The following CCDC9 variants were observed in gnomAD, a reference collection of about 807,000 sequenced individuals.
CCDC9 encodes coiled-coil domain containing 9, also known as coiled-coil domain-containing protein 9.
Under a neutral mutation model 65.6 loss-of-function variants are expected in CCDC9, and 52 were observed. That is an observed-to-expected ratio of 0.79 (90% confidence interval 0.63 to 1.00). The LOEUF is 1.00. Among genes scored for constraint, CCDC9 ranks in the 50% least tolerant of loss-of-function variants. CCDC9 has a pLI of 0.00. For synonymous variants in CCDC9, 332 were observed against 280.3 expected (o/e 1.18, Z -1.84); for missense variants, 834 against 757.2 (o/e 1.10, Z -1.19).
downstream of CCDC9, chr19:47,275,051 C>G (rs1178696996): frequency 1.3e-6 from 2 of 1,492,940 alleles, no homozygotes; most frequent in Non-Finnish European, 1.8e-6. Context: ...CGCTAGCTGC[C>G]GTGCTGCTCG....
downstream of CCDC9, chr19:47,275,005 G>C (rs1395889679): frequency 6.8e-7 from 1 of 1,476,794 alleles, no homozygotes; most frequent in Non-Finnish European, 8.9e-7. Flanking sequence ...CGCTGGCTGC[G>C]CTTGGCTCCG....
chr19:47,260,566 T>A, intron 4 of CCDC9, 22 bp from the exon 5 acceptor site: 1 of 1,540,596 alleles, frequency 6.5e-7, no homozygotes, highest in Non-Finnish European at 8.7e-7. Flanking sequence ...TGACTGTATT[T>A]TCCCCATCTC....
At position 47,268,933 on chromosome 19, in the gene CCDC9, T is replaced by A. The variant is rs558196428; in HGVS notation, c.903-1474T>A. Among the ~76,000 whole-genome samples the A allele has an allele frequency of 5.8e-3, 860 of 149,382 alleles. 7 individuals are homozygous for A. The highest frequency in any genetic ancestry group is 0.014 in the South Asian group (63 of 4,646). On this transcript the variant is annotated intron_variant, in intron 8 of 11. Transcript: ENST00000221922. The stretch of plus-strand genomic sequence containing the variant: ...ACTCCGTTTCAAAAAATAATAATAA[T>A]AATAATAATAATGTGTGTCTGGGCC...
intron 1 of CCDC9, among the ~76,000 whole-genome samples, chr19:47,256,857 C>A (rs974044247): frequency 5.3e-5 from 8 of 151,542 alleles, no homozygotes; most frequent in African/African-American, 1.7e-4. Context: ...TGTGGCTGGA[C>A]TGTGGGCGGG....
chr19:47,260,903 C>T lies in CCDC9; in HGVS notation c.462+64C>T, dbSNP rs923318814. 1.1e-5 allele frequency: 17 copies of T among 1,555,682 alleles called. No individual in the cohort carries two copies. The African/African-American group carries it at 1.8e-4, about 16-fold the overall frequency. ...CTCTGTTGTCTGTTTCTGTTTTTTC[C>T]TCCTCTCAGATGCACATTTGTCCTG... is the stretch of plus-strand genomic sequence containing the variant. On this transcript the variant is annotated intron_variant, in intron 5 of 11. Transcript: ENST00000221922.
At chr19:47,261,018 CT>C (rs1205947181) in intron 5 of CCDC9, among the ~76,000 whole-genome samples, 179 bp downstream of exon 5, 8 of 151,992 alleles carry the variant, frequency 5.3e-5, no homozygotes, top group Admixed American at 3.9e-4. Context: ...CCTGCTCCCC[CT>C]CTTCTAGTTC....
downstream of CCDC9, chr19:47,275,122 A>T: frequency 6.7e-7 from 1 of 1,490,512 alleles, no homozygotes; most frequent in Non-Finnish European, 8.9e-7. Context: ...GCCGGCCCAC[A>T]GCCCAGCGCG....
At chr19:47,274,858 GC>G, downstream of CCDC9, 1 of 1,127,094 alleles carries the variant, frequency 8.9e-7, no homozygotes, top group African/African-American at 1.9e-5. Flanking sequence ...CGGGGTGGGG[GC>G]GGGGCCTGGT....
downstream of CCDC9, chr19:47,274,519 G>C (rs1407676087): frequency 6.1e-6 from 1 of 163,230 alleles, no homozygotes. Context: ...GAGACTGGCT[G>C]CGGCACAGGG....
In CCDC9 at chr19:47,271,637, G is replaced by A. The variant is rs761232596; in HGVS notation, c.1555G>A (p.Ala519Thr). ...NSPRTTHLAG[A>T]LSPGEAWPFE... ...TCCCCGGACCACTCACCTGGCTGGC[G>A]CCCTCTCCCCGGGTGAGGCCTGGCC... The change falls in exon 12 of 12, where the codon GCC becomes ACC. Residue 519 changes from alanine to threonine, a missense_variant. Ala to Thr is a moderately conservative substitution (Grantham distance 58). Transcript: ENST00000221922. 15 of 1,606,876 alleles carry A rather than the reference G, an allele frequency of 9.3e-6. No individual in the cohort carries two copies. The highest frequency in any genetic ancestry group is 1.3e-5 in the Non-Finnish European group (15 of 1,176,438).
At chr19:47,267,189 C>A (rs908333001) in intron 8 of CCDC9, among the ~76,000 whole-genome samples, 2 of 152,148 alleles carry the variant, frequency 1.3e-5, no homozygotes, top group Non-Finnish European at 2.9e-5. Context: ...TGGTCTCAAT[C>A]TCCTGTCCTT....
At chr19:47,272,943 G>A (rs1384386967), downstream of CCDC9, among the ~76,000 whole-genome samples, 2 of 151,850 alleles carry the variant, frequency 1.3e-5, no homozygotes, top group African/African-American at 2.4e-5. Context: ...AGCCAAGGAA[G>A]GACTGGTTAG....
chr19:47,275,429 G>A (rs1600299285), downstream of CCDC9: 3 of 1,456,780 alleles, frequency 2.1e-6, no homozygotes, highest in East Asian at 5.9e-5. Context: ...CTCTGGATTG[G>A]TCCGGCCTTC....
At chr19:47,272,234 T>TG, downstream of CCDC9, 2 of 955,794 alleles carry the variant, frequency 2.1e-6, no homozygotes, top group Non-Finnish European at 2.7e-6. Context: ...GCAGAGGGCT[T>TG]GGGGGGAGTG....
At chr19:47,267,005 C>A (rs982011901) in intron 8 of CCDC9, among the ~76,000 whole-genome samples, 16 of 152,032 alleles carry the variant, frequency 1.1e-4, no homozygotes, top group African/African-American at 3.9e-4. Flanking sequence ...CGCTCTGTCG[C>A]CCAGGCTGGA....
Position 47,271,455 on chromosome 19 carries a change from C to T in CCDC9, c.1373C>T (p.Thr458Ile). ...CACCAAGCCCCAGAGGCTGCCCCCA[C>T]CGGGATCCCCTGCAGTGAGCAGGCC... ...QDHQAPEAAP[T>I]GIPCSEQAHG... The change falls in exon 12 of 12, where the codon ACC (threonine) becomes ATC (isoleucine). Residue 458 changes from threonine (T) to isoleucine (I), a missense_variant. Physicochemically the swap from Thr to Ile is moderately conservative, Grantham distance 89 (BLOSUM62 -1). Coordinates refer to ENST00000221922, the MANE Select transcript of CCDC9 (RefSeq NM_015603.3). 7 of 1,613,824 alleles carry T rather than the reference C, an allele frequency of 4.3e-6. No individual in the cohort carries two copies. The highest frequency in any genetic ancestry group is 5.9e-6 in the Non-Finnish European group (7 of 1,179,958).
At chr19:47,274,341 TCTGGCC>T (rs2059142716), downstream of CCDC9, 1 of 140,812 alleles carries the variant, frequency 7.1e-6, no homozygotes, top group Non-Finnish European at 1.5e-5. Context: ...CGGGTGGGGC[TCTGGCC>T]ATGGGCATGG....
chr19:47,260,020 A>C (rs1163361179), intron 3 of CCDC9, among the ~76,000 whole-genome samples: 1 of 152,146 alleles, frequency 6.6e-6, no homozygotes, highest in Non-Finnish European at 1.5e-5. Context: ...TGTTGTGGGA[A>C]TAGCAAGGAA....
rs758928050 is a variant in CCDC9 at position 47,264,937 on chromosome 19, C to T, written c.711C>T (p.His237=). ...DFERVRCGLE[H]ERQGRRAGLG... ...AGCGGGTGCGCTGTGGCCTTGAGCA[C>T]GAGCGGCAGGTGGGTGTTGGCAGTG... is the stretch of plus-strand genomic sequence containing the variant. Residue 237 remains histidine (H), a synonymous_variant, in exon 7 of 12, where the codon CAC becomes CAT. Coordinates refer to ENST00000221922, the MANE Select transcript of CCDC9 (RefSeq NM_015603.3). The T allele has an allele frequency of 9.7e-6, 14 of 1,447,904 alleles. No individual in the cohort carries two copies. The highest frequency in any genetic ancestry group is 5.7e-5 in the African/African-American group (4 of 70,144). The allele number at this position is 1,447,904 out of a possible 1,614,324, so 89.7% of individuals were successfully genotyped here. A position where few individuals can be genotyped will look rare whatever the true frequency, so the allele number is the denominator to read the frequency against.
Sources: allele counts gnomAD v4.1 joint callset (sites outside exome capture counted in the v4.1 genomes callset), GRCh38; gene constraint gnomAD v4.1.1; transcripts MANE v1.5; gene names NCBI Gene and HGNC (gene_info 2026-07-23, HGNC 2026-07-21).